Variants in CDH13 observed in about 807,000 individuals in gnomAD.
CDH13 encodes the protein cadherin 13, also known as cadherin-13.
A neutral mutation model predicts 63.8 loss-of-function variants in CDH13; 24 were observed. The observed-to-expected ratio is 0.38, with a 90% CI of 0.27 to 0.53. The LOEUF (loss-of-function observed/expected upper bound fraction) is 0.53. Ranked by LOEUF, CDH13 falls within the 20% of genes least tolerant of loss-of-function variation. CDH13 has a pLI of 0.85. For missense variants in CDH13, 1,049 were observed against 903.1 expected, an observed-to-expected ratio of 1.16 and a Z score of -2.07; for synonymous variants, 503 against 355.3, an observed-to-expected ratio of 1.42 and a Z score of -4.67.
chr16:83,381,154 C>T (rs2091559623), intron 6 of CDH13, among the ~76,000 whole-genome samples: 1 of 152,098 alleles, frequency 6.6e-6, no homozygotes, highest in Non-Finnish European at 1.5e-5. Flanking sequence ...GTAACAACTA[C>T]CTATTTAATA....
chr16:82,910,067 A>G (rs1342255681), intron 2 of CDH13, among the ~76,000 whole-genome samples: 1 of 152,066 alleles, frequency 6.6e-6, no homozygotes, highest in African/African-American at 2.4e-5. Flanking sequence ...AAAGTATACA[A>G]TTGCCGGTGT....
chr16:83,548,025 A>T (rs1419635523), intron 7 of CDH13, among the ~76,000 whole-genome samples: 1 of 152,060 alleles, frequency 6.6e-6, no homozygotes, highest in Non-Finnish European at 1.5e-5. Flanking sequence ...TTCAGTGGGG[A>T]GATGATATAT....
chr16:83,356,057 C>T lies in CDH13; in HGVS notation c.781+11051C>T, dbSNP rs1208226140. The stretch of plus-strand genomic sequence containing the variant: ...CAGATCGAAACTCAGACCTGTATGA[C>T]TCTAATTCTTGTGCTTTTTCATTTC... On this transcript the variant is annotated intron_variant, in intron 6 of 13. Coordinates refer to ENST00000567109, the MANE Select transcript of CDH13 (RefSeq NM_001257.5). Among the ~76,000 whole-genome samples the T allele has an allele frequency of 2.0e-5, 3 of 152,194 alleles. No homozygotes were observed. The East Asian group carries it at 5.8e-4, about 29-fold the overall frequency.
chr16:83,232,595 T>C (rs1439585126), intron 5 of CDH13, among the ~76,000 whole-genome samples: 1 of 151,370 alleles, frequency 6.6e-6, no homozygotes, highest in Non-Finnish European at 1.5e-5. Context: ...CCCCACACAC[T>C]TTGCTCTTGC....
chr16:82,692,538 C>A (rs1434114785), intron 1 of CDH13, among the ~76,000 whole-genome samples: 1 of 152,082 alleles, frequency 6.6e-6, no homozygotes, highest in Non-Finnish European at 1.5e-5. Context: ...AAGAGCCACC[C>A]CCATGATTAA....
intron 13 of CDH13, among the ~76,000 whole-genome samples, chr16:83,792,463 C>CTTG (rs910277385): frequency 1.1e-4 from 17 of 152,174 alleles, no homozygotes; most frequent in African/African-American, 3.1e-4. Flanking sequence ...AAAGATGTTT[C>CTTG]TTGTTGTTGT....
At chr16:83,526,519 T>G (rs1441218691) in intron 7 of CDH13, among the ~76,000 whole-genome samples, 2 of 152,180 alleles carry the variant, frequency 1.3e-5, no homozygotes, top group African/African-American at 4.8e-5. Context: ...CCTATCAGGA[T>G]GTACTGCCAT....
rs573380555 is a variant in CDH13, at chr16:82,949,309, C to T, written c.158-82701C>T. 6.6e-5 allele frequency among the ~76,000 whole-genome samples: 10 copies of T among 152,278 alleles called. No individual in the cohort carries two copies. In the East Asian group the frequency reaches 1.7e-3, roughly 26 times the overall value. On this transcript the variant is annotated intron_variant, in intron 2 of 13. Coordinates refer to ENST00000567109, the MANE Select transcript of CDH13 (RefSeq NM_001257.5). ...GAATCACTGCAATCTCTGCTTTGTTCCTCACACAGTGTTCTCCCTGCGTCT... is the reference window on the plus strand; with the variant it reads ...GAATCACTGCAATCTCTGCTTTGTTTCTCACACAGTGTTCTCCCTGCGTCT...
rs561638842 is a variant in CDH13 at position 83,660,237 on chromosome 16, A to G, written c.1102-10553A>G. ...TATTATTACATTGTAATATACAATG[A>G]CATAATTATACAACTACCATAATGT... is the stretch of plus-strand genomic sequence containing the variant. On this transcript the variant is annotated intron_variant, in intron 8 of 13. Coordinates refer to ENST00000567109, the MANE Select transcript of CDH13 (RefSeq NM_001257.5). Among the ~76,000 whole-genome samples, 9 of 152,346 alleles carry G rather than the reference A, an allele frequency of 5.9e-5. No homozygotes were observed. In the South Asian group the frequency reaches 1.9e-3, roughly 32 times the overall value.
chr16:83,182,440 C>T (rs771808972), intron 4 of CDH13, among the ~76,000 whole-genome samples: 1 of 152,138 alleles, frequency 6.6e-6, no homozygotes, highest in African/African-American at 2.4e-5. Context: ...TCTTTTGAAC[C>T]CCTCTGGGAC....
intron 3 of CDH13, among the ~76,000 whole-genome samples, chr16:83,102,804 G>C (rs2034548334): frequency 6.6e-6 from 1 of 151,972 alleles, no homozygotes; most frequent in African/African-American, 2.4e-5. Context: ...GTTATATTGT[G>C]AATGTATTTT....
intron 1 of CDH13, among the ~76,000 whole-genome samples, chr16:82,837,736 G>C (rs912862205): frequency 6.6e-6 from 1 of 152,176 alleles, no homozygotes; most frequent in Non-Finnish European, 1.5e-5. Context: ...AGCTCATCGA[G>C]CTGGTCACGT....
At chr16:83,528,036 C>G (rs2075002104) in intron 7 of CDH13, among the ~76,000 whole-genome samples, 1 of 152,268 alleles carries the variant, frequency 6.6e-6, no homozygotes, top group South Asian at 2.1e-4. Flanking sequence ...ATCCAAGTTC[C>G]CACAGAGCTG....
intron 1 of CDH13, among the ~76,000 whole-genome samples, chr16:82,815,663 C>A (rs961016757): frequency 4.6e-5 from 7 of 152,140 alleles, no homozygotes; most frequent in African/African-American, 1.7e-4. Context: ...CTTTTCTTTT[C>A]CAGTCTCCAC....
At chr16:82,773,594 T>C (rs1396449490) in intron 1 of CDH13, 1 of 152,242 alleles carries the variant, frequency 6.6e-6, no homozygotes, top group Non-Finnish European at 1.5e-5. Flanking sequence ...AGAGCTACCT[T>C]TCAAGTGTCA....
At position 83,486,468 on chromosome 16, in the gene CDH13, C is replaced by T. The variant is rs2073892889; in HGVS notation, c.782-9C>T. ...AACCATTCCGTGCCTTTCTGTCTTG[C>T]CCCGGTAGGCACCACAGTGATGCGG... On this transcript the variant is annotated splice_polypyrimidine_tract_variant and intron_variant, in intron 6 of 13. Transcript: ENST00000567109. The T allele has an allele frequency of 6.2e-7, 1 of 1,609,162 alleles. No homozygotes were observed. Among genetic ancestry groups the T allele is most frequent in the African/African-American group, 1.3e-5 (1 of 74,862 alleles).
chr16:83,490,048 C>CACTCACACAG (rs530046272), intron 7 of CDH13, among the ~76,000 whole-genome samples: 31 of 150,274 alleles, frequency 2.1e-4, no homozygotes, highest in African/African-American at 7.4e-4. Context: ...CACACACACA[C>CACTCACACAG]AGCTCACCAG....
chr16:83,067,258 T>C (rs947898905), intron 3 of CDH13, among the ~76,000 whole-genome samples: 1 of 152,202 alleles, frequency 6.6e-6, no homozygotes, highest in South Asian at 2.1e-4. Flanking sequence ...AGTATTGTGT[T>C]GTGGAGGCTC....
At chr16:82,707,251 A>G (rs762726153) in intron 1 of CDH13, among the ~76,000 whole-genome samples, 2 of 152,230 alleles carry the variant, frequency 1.3e-5, no homozygotes, top group Admixed American at 6.5e-5. Flanking sequence ...TAATGAGGCT[A>G]TGTATACAAA....
Sources: gnomAD v4.1 joint callset for allele counts (sites outside exome capture counted in the v4.1 genomes callset) on GRCh38, gnomAD v4.1.1 for gene constraint, MANE v1.5 for transcripts, NCBI Gene and HGNC (gene_info 2026-07-23, HGNC 2026-07-21) for gene names.